Variants in TMTC4 observed in about 807,000 individuals in gnomAD.
The protein encoded by TMTC4 is protein O-mannosyl-transferase TMTC4.
TMTC4 carries 65 observed loss-of-function variants against 86.0 expected under a neutral mutation model. The ratio of observed to expected loss-of-function variants is 0.76; its 90% confidence interval spans 0.62 to 0.93. TMTC4 has a LOEUF of 0.93. Ranked by LOEUF, TMTC4 falls within the 40% of genes least tolerant of loss-of-function variation. TMTC4 has a pLI of 0.00. For synonymous variants in TMTC4, 379 were observed against 382.5 expected, an observed-to-expected ratio of 0.99 and a Z score of 0.11; for missense variants, 866 against 948.1, an observed-to-expected ratio of 0.91 and a Z score of 1.14.
chr13:100,604,758 A>G lies in TMTC4; in HGVS notation c.*236T>C, dbSNP rs538933651. On this transcript the variant is annotated 3_prime_UTR_variant, in exon 19 of 19. Transcript: ENST00000342624. The stretch of plus-strand genomic sequence containing the variant: ...GTTTAATTAAAAAAGACATTTTTGG[A>G]ATTTTAGAATTACATTTGAGTTGTC... The G allele has an allele frequency of 7.7e-6, 3 of 387,218 alleles. No individual in the cohort carries two copies. The highest frequency in any genetic ancestry group is 1.3e-5 in the Non-Finnish European group (3 of 229,666). The allele number at this position is 387,218 out of a possible 1,614,324, so 24.0% of individuals were successfully genotyped here. A position where few individuals can be genotyped will look rare whatever the true frequency, so the allele number is the denominator to read the frequency against.
chr13:100,614,733 C>T (rs989621383), intron 15 of TMTC4, among the ~76,000 whole-genome samples: 3 of 152,218 alleles, frequency 2.0e-5, no homozygotes, highest in South Asian at 2.1e-4. Context: ...GAACAAGGTC[C>T]GAACCTGTAA....
intron 6 of TMTC4, 149 bp downstream of exon 6, chr13:100,656,232 T>C: frequency 3.4e-6 from 2 of 589,394 alleles, no homozygotes; most frequent in South Asian, 5.1e-5. Flanking sequence ...GACATACATA[T>C]CTAAAGAGAG....
chr13:100,619,889 A>G (rs1292202220), intron 15 of TMTC4, among the ~76,000 whole-genome samples: 1 of 152,238 alleles, frequency 6.6e-6, no homozygotes, highest in Non-Finnish European at 1.5e-5. Flanking sequence ...ATTTGAACAC[A>G]CCTAGAACAA....
At chr13:100,620,927 C>T (rs1034496108) in intron 15 of TMTC4, among the ~76,000 whole-genome samples, 27 of 152,204 alleles carry the variant, frequency 1.8e-4, no homozygotes, top group African/African-American at 6.0e-4. Context: ...AAAGATTAAG[C>T]TCTTAATGCT....
In TMTC4 at chr13:100,664,336, C is replaced by T. The variant is rs1377041079; in HGVS notation, c.220G>A (p.Asp74Asn). 1.2e-5 allele frequency: 20 copies of T among 1,603,620 alleles called. No individual in the cohort carries two copies. Among genetic ancestry groups the T allele is most frequent in the Non-Finnish European group, 1.7e-5 (20 of 1,174,968 alleles). The change falls in exon 4 of 19, where the codon GAC (aspartate) becomes AAC (asparagine). Residue 74 changes from aspartate to asparagine, a missense_variant and splice_region_variant. Transcript: ENST00000342624. ...DDSEAIVNNK[D>N]LQAETPLGDL... ...CCCAGGGGCGTTTCTGCTTGGAGGT[C>T]CTGCAGGGTCACAAAGGGGATGTTC...
intron 15 of TMTC4, among the ~76,000 whole-genome samples, chr13:100,616,136 C>T (rs997446259): frequency 1.3e-5 from 2 of 151,930 alleles, no homozygotes; most frequent in East Asian, 1.9e-4. Flanking sequence ...CAATCTACAG[C>T]GGATGGGCAC....
intron 15 of TMTC4, among the ~76,000 whole-genome samples, chr13:100,615,406 G>A (rs1456705089): frequency 6.6e-6 from 1 of 151,892 alleles, no homozygotes; most frequent in African/African-American, 2.4e-5. Context: ...CTCCCGAAGT[G>A]CTGGGATTAC....
In TMTC4 at chr13:100,670,359, C is replaced by A; in HGVS notation, c.3+1G>T. 2 of 1,609,796 alleles carry A rather than the reference C, an allele frequency of 1.2e-6. No homozygotes were observed. Among genetic ancestry groups the A allele is most frequent in the Non-Finnish European group, 1.7e-6 (2 of 1,178,376 alleles). On this transcript the variant is annotated splice_donor_variant, in intron 2 of 18. Transcript: ENST00000342624. LOFTEE classifies it high-confidence loss of function. Reference sequence around the variant, plus strand: ...CAGATCCAACAGGCAACGGGACACACCATTCCATGGTGATGCTGTCCCCTT... The same window carrying A: ...CAGATCCAACAGGCAACGGGACACAACATTCCATGGTGATGCTGTCCCCTT...
At chr13:100,636,423 T>C (rs937799615) in intron 10 of TMTC4, 109 bp downstream of exon 10, 1 of 1,300,636 alleles carries the variant, frequency 7.7e-7, no homozygotes, top group South Asian at 1.3e-5. Context: ...TTGAAACAAA[T>C]GTCCTTAGAC....
chr13:100,623,958 T>C (rs565502855), intron 15 of TMTC4: 66 of 446,222 alleles, frequency 1.5e-4, no homozygotes, highest in African/African-American at 1.3e-3. Context: ...TAGTACATTG[T>C]ATGGGTCCAG....
intron 5 of TMTC4, among the ~76,000 whole-genome samples, chr13:100,661,308 CGTGT>C (rs1488582530): frequency 3.3e-5 from 5 of 152,242 alleles, no homozygotes; most frequent in Non-Finnish European, 5.9e-5. Context: ...TGAGTGTGTA[CGTGT>C]GTGTAAGCAC....
At chr13:100,606,567 C>T (rs1276443019) in intron 17 of TMTC4, 140 bp from the exon 18 acceptor site, 4 of 676,520 alleles carry the variant, frequency 5.9e-6, no homozygotes, top group Admixed American at 5.8e-5. Flanking sequence ...ACTCGGAAGG[C>T]CCAGCGGGGC....
chr13:100,615,695 C>T (rs1297924042), intron 15 of TMTC4, among the ~76,000 whole-genome samples: 2 of 150,000 alleles, frequency 1.3e-5, no homozygotes, highest in African/African-American at 2.5e-5. Flanking sequence ...TCAACTGATC[C>T]GCCCACCTTG....
chr13:100,630,507 G>C (rs887537926), intron 12 of TMTC4, among the ~76,000 whole-genome samples: 2 of 152,150 alleles, frequency 1.3e-5, no homozygotes, highest in Non-Finnish European at 2.9e-5. Context: ...TCGCTGAAGT[G>C]TGTGTTGAGA....
chr13:100,639,546 T>C (rs1449215191), intron 7 of TMTC4, among the ~76,000 whole-genome samples: 1 of 152,230 alleles, frequency 6.6e-6, no homozygotes, highest in African/African-American at 2.4e-5. Context: ...AAATGCATCA[T>C]CAAAATGGCC....
At position 100,668,681 on chromosome 13, in the gene TMTC4, G is replaced by GA. The variant is rs1886694200; in HGVS notation, c.116dup (p.Trp40LeufsTer3). On this transcript the variant is annotated frameshift_variant, in exon 3 of 19. Transcript: ENST00000342624. LOFTEE classifies it high-confidence loss of function. The stretch of plus-strand genomic sequence containing the variant: ...CCGATCCCACTACTAACTTAGCCCA[G>GA]AATGGAGGAAGAACAGAAGATGGAA... The GA allele has an allele frequency of 8.1e-6, 13 of 1,614,250 alleles. No homozygotes were observed. Among genetic ancestry groups the GA allele is most frequent in the Non-Finnish European group, 9.3e-6 (11 of 1,180,054 alleles).
At chr13:100,632,051 A>ACTCTCTCTCTCT (rs1368407089) in intron 12 of TMTC4, among the ~76,000 whole-genome samples, 5 of 28,588 alleles carry the variant, frequency 1.7e-4, no homozygotes, top group East Asian at 1.1e-3. Context: ...ACACACACAC[A>ACTCTCTCTCTCT]CACTCTCTCT....
intron 7 of TMTC4, among the ~76,000 whole-genome samples, chr13:100,639,442 GT>G (rs1258550235): frequency 1.3e-5 from 2 of 152,218 alleles, no homozygotes; most frequent in African/African-American, 2.4e-5. Flanking sequence ...TCTTCTCACA[GT>G]TTTCCTGTGA....
At chr13:100,639,886 G>C (rs762278922) in intron 7 of TMTC4, among the ~76,000 whole-genome samples, 1 of 152,144 alleles carries the variant, frequency 6.6e-6, no homozygotes, top group African/African-American at 2.4e-5. Flanking sequence ...GTCGTAGTAA[G>C]CTGAGATTGC....
Sources: gnomAD v4.1 joint callset for allele counts (sites outside exome capture counted in the v4.1 genomes callset) on GRCh38, gnomAD v4.1.1 for gene constraint, MANE v1.5 for transcripts, NCBI Gene and HGNC (gene_info 2026-07-23, HGNC 2026-07-21) for gene names.